The following ADAMTS6 variants were observed in gnomAD, a reference collection of about 807,000 sequenced individuals.
ADAMTS6 encodes ADAM metallopeptidase with thrombospondin type 1 motif 6.
A neutral mutation model predicts 144.3 loss-of-function variants in ADAMTS6; 23 were observed. That is an observed-to-expected ratio of 0.16 (90% confidence interval 0.11 to 0.23). The LOEUF (loss-of-function observed/expected upper bound fraction) is 0.23. Ranked by LOEUF, ADAMTS6 falls within the 10% of genes least tolerant of loss-of-function variation. ADAMTS6 has a pLI of 1.00. For missense variants in ADAMTS6, 999 were observed against 1,379.6 expected (o/e 0.72, Z 4.37); for synonymous variants, 444 against 457.5 (o/e 0.97, Z 0.38).
chr5:65,336,224 A>C (rs993281323), intron 7 of ADAMTS6, among the ~76,000 whole-genome samples: 3 of 152,086 alleles, frequency 2.0e-5, no homozygotes, highest in Admixed American at 2.0e-4. Flanking sequence ...GAGAGGTGGG[A>C]GAGTAGGGAG....
intron 14 of ADAMTS6, among the ~76,000 whole-genome samples, chr5:65,252,345 C>T (rs992985366): frequency 4.7e-5 from 7 of 150,450 alleles, no homozygotes; most frequent in Non-Finnish European, 7.4e-5. Flanking sequence ...GATGGAGTCG[C>T]GCTCTGTTGC....
At chr5:65,156,056 A>T (rs1752397085) in intron 24 of ADAMTS6, among the ~76,000 whole-genome samples, 1 of 152,198 alleles carries the variant, frequency 6.6e-6, no homozygotes, top group African/African-American at 2.4e-5. Context: ...TATTACAGAA[A>T]ACTGAAAGTA....
At chr5:65,323,348 T>C (rs1410347102) in intron 9 of ADAMTS6, among the ~76,000 whole-genome samples, 1 of 145,756 alleles carries the variant, frequency 6.9e-6, no homozygotes, top group Non-Finnish European at 1.5e-5. Flanking sequence ...TTCCCACCTA[T>C]GAGTGAGAAC....
At chr5:65,413,680 C>T (rs1429094071) in intron 7 of ADAMTS6, among the ~76,000 whole-genome samples, 1 of 151,808 alleles carries the variant, frequency 6.6e-6, no homozygotes, top group Non-Finnish European at 1.5e-5. Context: ...AAATATATAT[C>T]CTGTTCTTAC....
intron 24 of ADAMTS6, among the ~76,000 whole-genome samples, chr5:65,156,879 G>T (rs761819774): frequency 3.3e-5 from 5 of 152,182 alleles, no homozygotes; most frequent in Non-Finnish European, 7.3e-5. Context: ...GAGGATATTG[G>T]AAAGGTAAGA....
intron 15 of ADAMTS6, among the ~76,000 whole-genome samples, chr5:65,231,465 T>C (rs941329674): frequency 6.6e-6 from 1 of 152,114 alleles, no homozygotes; most frequent in Non-Finnish European, 1.5e-5. Flanking sequence ...CAACAATGGA[T>C]AGATCATCCA....
chr5:65,409,336 G>C (rs1719112019), intron 7 of ADAMTS6, among the ~76,000 whole-genome samples: 1 of 126,548 alleles, frequency 7.9e-6, no homozygotes, highest in Non-Finnish European at 1.8e-5. Flanking sequence ...TGATCCCACA[G>C]AAATACACTA....
chr5:65,286,134 A>T (rs1398720152), intron 11 of ADAMTS6, among the ~76,000 whole-genome samples: 3 of 152,196 alleles, frequency 2.0e-5, no homozygotes, highest in African/African-American at 4.8e-5. Flanking sequence ...CATTTATTGA[A>T]TGTCATGTGC....
At chr5:65,431,283 A>G (rs1756982703) in intron 7 of ADAMTS6, among the ~76,000 whole-genome samples, 1 of 152,082 alleles carries the variant, frequency 6.6e-6, no homozygotes, top group Non-Finnish European at 1.5e-5. Flanking sequence ...TTATCTTTCA[A>G]GGGAACTTTT....
At chr5:65,415,623 A>C (rs1561521386) in intron 7 of ADAMTS6, 1 of 317,788 alleles carries the variant, frequency 3.1e-6, no homozygotes, top group African/African-American at 2.2e-5. Flanking sequence ...GTCTGAGATC[A>C]CTGATTTTTT....
At chr5:65,329,006 T>C (rs1561430014) in intron 9 of ADAMTS6, among the ~76,000 whole-genome samples, 1 of 151,582 alleles carries the variant, frequency 6.6e-6, no homozygotes, top group African/African-American at 2.4e-5. Context: ...GTATGAAGAG[T>C]GAAAACTAAA....
At chr5:65,437,677 T>C (rs574017426) in intron 7 of ADAMTS6, among the ~76,000 whole-genome samples, 8 of 152,358 alleles carry the variant, frequency 5.3e-5, no homozygotes, top group African/African-American at 1.7e-4. Flanking sequence ...TAAAAGAGTA[T>C]AGTATTTGCA....
At chr5:65,315,043 C>T (rs1209740554) in intron 9 of ADAMTS6, among the ~76,000 whole-genome samples, 1 of 151,930 alleles carries the variant, frequency 6.6e-6, no homozygotes, top group Non-Finnish European at 1.5e-5. Context: ...AACACTAAGG[C>T]TAAAATAAAT....
At chr5:65,391,928 AT>A (rs1342035680) in intron 7 of ADAMTS6, among the ~76,000 whole-genome samples, 11 of 151,634 alleles carry the variant, frequency 7.3e-5, no homozygotes, top group African/African-American at 2.4e-4. Context: ...CAGCGATGGG[AT>A]TTTGCCACAT....
At chr5:65,256,018 C>A (rs1388348370) in intron 14 of ADAMTS6, among the ~76,000 whole-genome samples, 4 of 152,076 alleles carry the variant, frequency 2.6e-5, no homozygotes, top group African/African-American at 9.7e-5. Context: ...CAGGTGTGAA[C>A]CCTTTATGAG....
chr5:65,227,167 AAT>A (rs1757788498), intron 15 of ADAMTS6, among the ~76,000 whole-genome samples: 1 of 152,184 alleles, frequency 6.6e-6, no homozygotes, highest in South Asian at 2.1e-4. Context: ...GCCAAGGATA[AAT>A]ATAAAATATA....
In ADAMTS6 at chr5:65,470,936, G is replaced by C. The variant is rs139129344; in HGVS notation, c.304C>G (p.Leu102Val). ...YGKHFHLNLTLNTDFVSKHFT... is the reference protein window; with the variant it reads ...YGKHFHLNLTVNTDFVSKHFT... Reference sequence around the variant, plus strand: ...TGTTTGGACACAAAATCTGTGTTGAGAGTCAAGTTTAGATGAAAGTGCTTG... The same window carrying C: ...TGTTTGGACACAAAATCTGTGTTGACAGTCAAGTTTAGATGAAAGTGCTTG... Residue 102 changes from leucine (L) to valine (V), a missense_variant, in exon 3 of 25, where the codon CTC becomes GTC. This residue lies in a region of ADAMTS6 where 252 missense variants were observed against 293.7 expected (regional missense o/e 0.86). Transcript: ENST00000381055. 68 of 1,612,816 alleles carry C rather than the reference G, an allele frequency of 4.2e-5. No individual in the cohort carries two copies. In the African/African-American group the frequency reaches 7.9e-4, roughly 19 times the overall value.
At chr5:65,246,527 G>A (rs531470515) in intron 14 of ADAMTS6, among the ~76,000 whole-genome samples, 1 of 152,168 alleles carries the variant, frequency 6.6e-6, no homozygotes, top group Non-Finnish European at 1.5e-5. Context: ...CAGTGAGGTG[G>A]GAGGGAAGTT....
intron 7 of ADAMTS6, among the ~76,000 whole-genome samples, chr5:65,446,798 G>T (rs759210757): frequency 9.9e-5 from 15 of 152,180 alleles, no homozygotes; most frequent in Non-Finnish European, 1.8e-4. Flanking sequence ...CTTACGACTA[G>T]GGTAGGAGTG....
Sources: gnomAD v4.1 joint callset for allele counts (sites outside exome capture counted in the v4.1 genomes callset) on GRCh38, gnomAD v4.1.1 for gene constraint, gnomAD v4.1.1 regional missense constraint, MANE v1.5 for transcripts, NCBI Gene and HGNC (gene_info 2026-07-23, HGNC 2026-07-21) for gene names.